The following PHC3 variants were observed in gnomAD, a reference collection of about 807,000 sequenced individuals.
The protein encoded by PHC3 is polyhomeotic homolog 3.
In PHC3, 13 loss-of-function variants were observed where a neutral mutation model predicts 107.4. The observed-to-expected ratio is 0.12, with a 90% confidence interval of 0.08 to 0.19. The LOEUF is 0.19. Ranked by LOEUF, PHC3 falls within the 10% of genes least tolerant of loss-of-function variation. PHC3 has a pLI of 1.00. For missense variants in PHC3, 992 were observed against 1,210.9 expected, an observed-to-expected ratio of 0.82 and a Z score of 2.68; for synonymous variants, 456 against 427.4, an observed-to-expected ratio of 1.07 and a Z score of -0.83.
intron 5 of PHC3, among the ~76,000 whole-genome samples, chr3:170,146,422 C>T (rs1282021160): frequency 6.6e-6 from 1 of 151,098 alleles, no homozygotes; most frequent in African/African-American, 2.4e-5. Flanking sequence ...AAAGTAAATG[C>T]CACACATGTA....
rs1714032446 is a variant in PHC3 at position 170,090,932 on chromosome 3, C to T, written c.*6298G>A. The stretch of plus-strand genomic sequence containing the variant: ...TTAATACTACCCAAAACAAAAAATA[C>T]TTTTAAGAGAAGCATTCTAAATAAA... On this transcript the variant is annotated 3_prime_UTR_variant, in exon 15 of 15. Transcript: ENST00000495893. 1 of 152,138 alleles carries T rather than the reference C, an allele frequency of 6.6e-6. No homozygotes were observed. The highest frequency in any genetic ancestry group is 1.5e-5 in the Non-Finnish European group (1 of 68,016). 9.4% of individuals were successfully genotyped at this position (152,138 alleles called of 1,614,324 possible). A position where few individuals can be genotyped will look rare whatever the true frequency, so the allele number is the denominator to read the frequency against.
chr3:170,136,009 C>T (rs546457775), intron 7 of PHC3, among the ~76,000 whole-genome samples: 2 of 152,206 alleles, frequency 1.3e-5, no homozygotes, highest in East Asian at 3.9e-4. Flanking sequence ...ATGCATAATC[C>T]TATGTTTCAA....
At chr3:170,178,733 AT>A (rs1202632164) in intron 2 of PHC3, 39 bp downstream of exon 2, 2 of 1,597,846 alleles carry the variant, frequency 1.3e-6, no homozygotes, top group Admixed American at 1.7e-5. Context: ...GTAATATGAC[AT>A]CTTAAGTCTT....
intron 4 of PHC3, chr3:170,150,641 A>G: frequency 3.3e-6 from 1 of 303,412 alleles, no homozygotes; most frequent in Non-Finnish European, 6.4e-6. Flanking sequence ...TGAACCTGGG[A>G]GGTGGAGCTT....
chr3:170,100,136 A>G (rs1197663455), intron 14 of PHC3, among the ~76,000 whole-genome samples: 1 of 152,236 alleles, frequency 6.6e-6, no homozygotes, highest in Admixed American at 6.5e-5. Flanking sequence ...AAGAGAAGAG[A>G]AAACTGGAGG....
chr3:170,169,843 T>G (rs929411209), intron 4 of PHC3: 2 of 152,218 alleles, frequency 1.3e-5, no homozygotes, highest in Non-Finnish European at 2.9e-5. Context: ...TATAATTTCC[T>G]TCAGTAGCCC....
chr3:170,127,073 T>C (rs1721434996), intron 8 of PHC3, among the ~76,000 whole-genome samples: 1 of 152,128 alleles, frequency 6.6e-6, no homozygotes, highest in South Asian at 2.1e-4. Flanking sequence ...TTGAAGGTGC[T>C]GTACGCTTCC....
chr3:170,178,203 G>A (rs1236547042), intron 2 of PHC3, among the ~76,000 whole-genome samples: 6 of 150,776 alleles, frequency 4.0e-5, no homozygotes, highest in Non-Finnish European at 8.9e-5. Flanking sequence ...GAGTGCTGTG[G>A]CGCGATCTCC....
At chr3:170,145,402 T>A in intron 6 of PHC3, 21 bp downstream of exon 6, 1 of 1,594,172 alleles carries the variant, frequency 6.3e-7, no homozygotes, top group Non-Finnish European at 8.6e-7. Flanking sequence ...AGTAACACAT[T>A]ATGAAGCTAG....
At chr3:170,145,949 A>G (rs1488283366) in intron 5 of PHC3, among the ~76,000 whole-genome samples, 1 of 152,246 alleles carries the variant, frequency 6.6e-6, no homozygotes, top group Admixed American at 6.5e-5. Flanking sequence ...AAACACCAAA[A>G]AAGTCTTTTC....
At chr3:170,118,912 C>A (rs191792711) in intron 9 of PHC3, among the ~76,000 whole-genome samples, 1 of 151,934 alleles carries the variant, frequency 6.6e-6, no homozygotes, top group Non-Finnish European at 1.5e-5. Flanking sequence ...TATAAGCCAC[C>A]ATGCCCAGCC....
chr3:170,147,364 G>A (rs1043184818), intron 5 of PHC3: 5 of 151,410 alleles, frequency 3.3e-5, no homozygotes, highest in Admixed American at 1.3e-4. Context: ...AAAATTAAAC[G>A]ACCAATTAAG....
chr3:170,106,134 A>T (rs1716463383), intron 12 of PHC3, among the ~76,000 whole-genome samples: 1 of 152,064 alleles, frequency 6.6e-6, no homozygotes, highest in Non-Finnish European at 1.5e-5. Flanking sequence ...ATCTCTTGAG[A>T]CTGGGTGGTG....
intron 4 of PHC3, among the ~76,000 whole-genome samples, chr3:170,156,108 T>C (rs967591857): frequency 2.0e-5 from 3 of 152,192 alleles, no homozygotes; most frequent in Non-Finnish European, 2.9e-5. Flanking sequence ...AAATGCTATA[T>C]AGAAATTTTA....
intron 2 of PHC3, among the ~76,000 whole-genome samples, chr3:170,173,688 T>C (rs757232827): frequency 5.9e-5 from 9 of 152,192 alleles, no homozygotes; most frequent in Non-Finnish European, 1.3e-4. Context: ...CCGATCTATA[T>C]TTACTAACAA....
chr3:170,089,914 CAAAAAAAAA>C lies in PHC3; in HGVS notation c.*7307_*7315del, dbSNP rs1178846219. The C allele has an allele frequency of 4.6e-5, 2 of 43,620 alleles. No individual in the cohort carries two copies. Among genetic ancestry groups the C allele is most frequent in the Non-Finnish European group, 1.1e-4 (2 of 19,012 alleles). The allele number at this position is 43,620 out of a possible 1,614,324, so 2.7% of individuals were successfully genotyped here. A position where few individuals can be genotyped will look rare whatever the true frequency, so the allele number is the denominator to read the frequency against. On this transcript the variant is annotated 3_prime_UTR_variant, in exon 15 of 15. Coordinates refer to ENST00000495893, the MANE Select transcript of PHC3 (RefSeq NM_024947.4). ...CCTGGGCAACAGAGCGAACCCATCT[CAAAAAAAAA>C]AAAAAGAAAAAAAAAAAAAAAGAAA...
Position 170,122,738 on chromosome 3 carries a change from G to C in PHC3, c.1795C>G (p.Gln599Glu), listed in dbSNP as rs1191838284. ...TCTTCTTCACACACATCTTCTACCT[G>C]ATAAACCTGCAATGACAAACCATAC... ...PAPVDPPVVYQVEDVCEEEMP... is the reference protein window; with the variant it reads ...PAPVDPPVVYEVEDVCEEEMP... The change falls in exon 9 of 15, where the codon CAG becomes GAG. Residue 599 changes from glutamine (Q) to glutamate (E), a missense_variant. This residue lies in a region of PHC3 where 543 missense variants were observed against 590.8 expected (regional missense o/e 0.92). Coordinates refer to ENST00000495893, the MANE Select transcript of PHC3 (RefSeq NM_024947.4). 1.9e-6 allele frequency: 3 copies of C among 1,613,542 alleles called. No individual in the cohort carries two copies. Among genetic ancestry groups the C allele is most frequent in the South Asian group, 1.1e-5 (1 of 91,040 alleles).
At chr3:170,103,793 T>C (rs2108277497) in intron 12 of PHC3, among the ~76,000 whole-genome samples, 1 of 152,358 alleles carries the variant, frequency 6.6e-6, no homozygotes, top group South Asian at 2.1e-4. Context: ...GGCTCACACC[T>C]GTAATCCCAG....
intron 6 of PHC3, among the ~76,000 whole-genome samples, chr3:170,139,090 C>G (rs1045740603): frequency 3.3e-5 from 5 of 152,192 alleles, no homozygotes; most frequent in African/African-American, 1.2e-4. Context: ...GCCTATAGCA[C>G]AGATGAATAT....
Sources: gnomAD v4.1 joint callset for allele counts (sites outside exome capture counted in the v4.1 genomes callset) on GRCh38, gnomAD v4.1.1 for gene constraint, gnomAD v4.1.1 regional missense constraint, MANE v1.5 for transcripts, NCBI Gene and HGNC (gene_info 2026-07-23, HGNC 2026-07-21) for gene names.